The following OTULIN variants were observed in gnomAD, a reference collection of about 807,000 sequenced individuals.
OTULIN encodes OTU deubiquitinase with linear linkage specificity.
Under a neutral mutation model 39.6 loss-of-function variants are expected in OTULIN, and 15 were observed. The observed-to-expected ratio is 0.38, with a 90% CI of 0.25 to 0.58. The LOEUF (loss-of-function observed/expected upper bound fraction) is 0.58. OTULIN is among the 20% of genes least tolerant of loss of function. The probability of loss-of-function intolerance (pLI) is 0.66; values close to 1 mark genes in which losing one functional copy is unlikely to be tolerated. For missense variants in OTULIN, 319 were observed against 445.9 expected (o/e 0.72, Z 2.56); for synonymous variants, 156 against 170.3 (o/e 0.92, Z 0.65).
downstream of OTULIN, among the ~76,000 whole-genome samples, chr5:14,702,633 C>G (rs116242622): frequency 6.6e-6 from 1 of 152,098 alleles, no homozygotes; most frequent in Non-Finnish European, 1.5e-5. Flanking sequence ...TCAGACCACA[C>G]GTGAATTGCA....
Position 14,696,273 on chromosome 5 carries a change from G to C in OTULIN, c.*3225G>C, listed in dbSNP as rs1464250962. On this transcript the variant is annotated 3_prime_UTR_variant, in exon 7 of 7. Transcript: ENST00000284274. ...TCAGCATCTACATAGGACTTACATA[G>C]ACTTCCTGAATGTGTCTTCTTCAGA... The C allele has an allele frequency of 6.6e-6, 1 of 152,164 alleles. No homozygotes were observed. Among genetic ancestry groups the C allele is most frequent in the African/African-American group, 2.4e-5 (1 of 41,426 alleles). 9.4% of individuals were successfully genotyped at this position (152,164 alleles called of 1,614,324 possible).
chr5:14,690,732 T>C lies in OTULIN; in HGVS notation c.864+424T>C, dbSNP rs543173166. ...CACACACTGTTAGATTGTTTTCTACTTTTTAGAAACAAGTTACTTGATGCA... is the reference window on the plus strand; with the variant it reads ...CACACACTGTTAGATTGTTTTCTACCTTTTAGAAACAAGTTACTTGATGCA... On this transcript the variant is annotated intron_variant, in intron 6 of 6. Transcript: ENST00000284274. The surrounding 1 kb of genome is among the most constrained non-coding windows in gnomAD (Gnocchi z 4.5). 1.4e-4 allele frequency among the ~76,000 whole-genome samples: 21 copies of C among 152,298 alleles called. No individual in the cohort carries two copies. In the South Asian group the frequency reaches 4.4e-3, roughly 32 times the overall value.
the OTULIN span, chr5:14,710,005 C>T: frequency 6.6e-6 from 1 of 152,002 alleles, no homozygotes; most frequent in Non-Finnish European, 1.5e-5. Flanking sequence ...AGGAAAAAAC[C>T]TGCTTTCCAA....
chr5:14,680,414 G>C (rs1579968248), intron 3 of OTULIN, among the ~76,000 whole-genome samples: 1 of 152,192 alleles, frequency 6.6e-6, no homozygotes, highest in African/African-American at 2.4e-5. Context: ...TCTGCATTGC[G>C]TCCACCCCAC....
At chr5:14,691,598 CTT>C (rs910484756) in intron 6 of OTULIN, among the ~76,000 whole-genome samples, 3 of 134,824 alleles carry the variant, frequency 2.2e-5, no homozygotes, top group African/African-American at 2.7e-5. Flanking sequence ...TGAGTCCATT[CTT>C]TTTTTTTTTT....
intron 3 of OTULIN, among the ~76,000 whole-genome samples, chr5:14,680,630 TAGGATTTTTTGGTGTCTTTTCA>T (rs143488295): frequency 6.6e-6 from 1 of 152,324 alleles, no homozygotes; most frequent in African/African-American, 2.4e-5. Context: ...CCAGACTCAC[TAGGATTTTTTGGTGTCTTTTCA>T]GGGTACGTTT....
chr5:14,688,742 G>A (rs961980625), intron 5 of OTULIN, among the ~76,000 whole-genome samples: 1 of 152,146 alleles, frequency 6.6e-6, no homozygotes, highest in Non-Finnish European at 1.5e-5. Context: ...CAGGATTTTT[G>A]TGTTCCCCAG....
At chr5:14,715,862 A>T in the OTULIN span, among the ~76,000 whole-genome samples, 2 of 152,200 alleles carry the variant, frequency 1.3e-5, no homozygotes, top group Non-Finnish European at 2.9e-5. Context: ...TAACTTTCCA[A>T]CTGGCTTTTG....
chr5:14,711,296 C>G, the OTULIN span: 3 of 1,614,110 alleles, frequency 1.9e-6, no homozygotes, highest in East Asian at 6.7e-5. Flanking sequence ...CCGACTCATT[C>G]TCCATCTTCT....
intron 4 of OTULIN, among the ~76,000 whole-genome samples, chr5:14,682,266 G>A (rs1233361349): frequency 6.6e-6 from 1 of 152,206 alleles, no homozygotes; most frequent in South Asian, 2.1e-4. Flanking sequence ...GTCAGAGACA[G>A]CAATATACCC....
At chr5:14,671,033 T>C (rs562429954) in intron 1 of OTULIN, among the ~76,000 whole-genome samples, 1 of 152,352 alleles carries the variant, frequency 6.6e-6, no homozygotes, top group South Asian at 2.1e-4. Context: ...TCATATATCC[T>C]GAATCTGTGC....
chr5:14,682,844 A>T (rs558656373), intron 4 of OTULIN, among the ~76,000 whole-genome samples: 2 of 152,342 alleles, frequency 1.3e-5, no homozygotes, highest in East Asian at 3.9e-4. Flanking sequence ...GTCAGAGGCC[A>T]TCTCAAGCTC....
chr5:14,697,089 G>A lies in OTULIN; in HGVS notation c.*4041G>A. ...CATGTGTGTATATGCGTGTTGGTCTGCAGTCACAGCATACCTTTATGTGCA... is the reference window on the plus strand; with the variant it reads ...CATGTGTGTATATGCGTGTTGGTCTACAGTCACAGCATACCTTTATGTGCA... On this transcript the variant is annotated 3_prime_UTR_variant, in exon 7 of 7. Transcript: ENST00000284274. 1 of 152,352 alleles carries A rather than the reference G, an allele frequency of 6.6e-6. No individual in the cohort carries two copies. Among genetic ancestry groups the A allele is most frequent in the Non-Finnish European group, 1.5e-5 (1 of 68,082 alleles). 9.4% of individuals were successfully genotyped at this position (152,352 alleles called of 1,614,324 possible).
the OTULIN span, chr5:14,711,226 T>C: frequency 1.2e-5 from 20 of 1,614,030 alleles, no homozygotes; most frequent in South Asian, 2.0e-4. Flanking sequence ...ATTTCCACGA[T>C]GTCTGTCACC....
chr5:14,716,169 ACTTC>A, the OTULIN span, among the ~76,000 whole-genome samples: 4 of 152,132 alleles, frequency 2.6e-5, no homozygotes, highest in Non-Finnish European at 5.9e-5. Context: ...TTTCAGGTCT[ACTTC>A]CTTTTTACTG....
At chr5:14,688,994 CT>C (rs1192909892) in intron 5 of OTULIN, among the ~76,000 whole-genome samples, 1 of 152,168 alleles carries the variant, frequency 6.6e-6, no homozygotes, top group Non-Finnish European at 1.5e-5. Context: ...ATTACTAACA[CT>C]TCTATGCCAG....
At chr5:14,712,717 A>C in the OTULIN span, among the ~76,000 whole-genome samples, 3 of 152,088 alleles carry the variant, frequency 2.0e-5, no homozygotes, top group African/African-American at 7.2e-5. Context: ...CCCCACTCCC[A>C]TTAGGCTTCC....
the OTULIN span, among the ~76,000 whole-genome samples, chr5:14,715,786 T>G: frequency 5.9e-5 from 9 of 152,246 alleles, no homozygotes; most frequent in Non-Finnish European, 1.3e-4. Context: ...GCTTTTCTGA[T>G]TTAATCTAGA....
chr5:14,680,062 G>T (rs933863853), intron 3 of OTULIN, among the ~76,000 whole-genome samples: 1 of 152,182 alleles, frequency 6.6e-6, no homozygotes, highest in Admixed American at 6.5e-5. Context: ...TATTCTTTTG[G>T]AAGTAAGTTT....
Sources: allele counts gnomAD v4.1 joint callset (sites outside exome capture counted in the v4.1 genomes callset), GRCh38; gene constraint gnomAD v4.1.1; non-coding constraint Gnocchi (gnomAD v3.1); transcripts MANE v1.5; gene names NCBI Gene and HGNC (gene_info 2026-07-23, HGNC 2026-07-21).